ANKRD30A: variants seen among roughly 807,000 people sequenced by gnomAD.
ANKRD30A encodes the protein ankyrin repeat domain 30A.
ANKRD30A carries 170 observed loss-of-function variants against 166.3 expected under a neutral mutation model. That is an observed-to-expected ratio of 1.02 (90% confidence interval 0.90 to 1.16). The LOEUF (loss-of-function observed/expected upper bound fraction) is 1.16. Among genes scored for constraint, ANKRD30A ranks in the 50% most tolerant of loss-of-function variants. The pLI is 0.00. For synonymous variants in ANKRD30A, 564 were observed against 508.9 expected, an observed-to-expected ratio of 1.11 and a Z score of -1.46; for missense variants, 1,630 against 1,518.0, an observed-to-expected ratio of 1.07 and a Z score of -1.23.
At chr10:37,197,037 C>T (rs1204277436) in intron 27 of ANKRD30A, among the ~76,000 whole-genome samples, 5 of 152,160 alleles carry the variant, frequency 3.3e-5, no homozygotes, top group Admixed American at 6.6e-5. Flanking sequence ...CCTGTTTACA[C>T]GTGAAACACA....
chr10:37,150,629 T>A (rs1837858052), intron 11 of ANKRD30A, among the ~76,000 whole-genome samples: 1 of 152,080 alleles, frequency 6.6e-6, no homozygotes, highest in African/African-American at 2.4e-5. Context: ...GAAACATTCT[T>A]TTTTGATCAG....
intron 31 of ANKRD30A, among the ~76,000 whole-genome samples, chr10:37,215,969 T>C (rs1003346055): frequency 1.3e-5 from 2 of 151,374 alleles, no homozygotes; most frequent in Non-Finnish European, 3.0e-5. Context: ...AATTGTCACT[T>C]TTCTGGGGCT....
rs1627967 is a variant in ANKRD30A at position 37,157,873 on chromosome 10, A to G, written c.1799-519A>G. 1.1e-3 allele frequency among the ~76,000 whole-genome samples: 175 copies of G among 152,302 alleles called. 1 individual carries two copies. Among genetic ancestry groups the G allele is most frequent in the Non-Finnish European group, 1.4e-3 (94 of 68,030 alleles). ...GAACCTTCTCTGCAATGATAAGTACATTGTACCTTTGAACTCTCATCACAA... is the reference window on the plus strand; with the variant it reads ...GAACCTTCTCTGCAATGATAAGTACGTTGTACCTTTGAACTCTCATCACAA... On this transcript the variant is annotated intron_variant, in intron 13 of 35. Transcript: ENST00000361713.
intron 11 of ANKRD30A, 66 bp from the exon 12 acceptor site, chr10:37,151,994 A>G: frequency 7.2e-7 from 1 of 1,390,284 alleles, no homozygotes; most frequent in East Asian, 2.3e-5. Flanking sequence ...GTAGATTTGT[A>G]TATGTTTTTA....
chr10:37,162,393 A>G (rs1305972522), intron 15 of ANKRD30A, among the ~76,000 whole-genome samples: 1 of 152,158 alleles, frequency 6.6e-6, no homozygotes, highest in Admixed American at 6.5e-5. Context: ...TCTCATATCA[A>G]CCCTTTATAC....
the ANKRD30A span, among the ~76,000 whole-genome samples, chr10:37,252,386 T>A: frequency 6.6e-6 from 1 of 152,192 alleles, no homozygotes; most frequent in African/African-American, 2.4e-5. Context: ...ATAATGCTCC[T>A]ATAAGATCAG....
intron 34 of ANKRD30A, among the ~76,000 whole-genome samples, chr10:37,226,892 T>C (rs1843181361): frequency 6.6e-6 from 1 of 151,908 alleles, no homozygotes; most frequent in South Asian, 2.1e-4. Context: ...GTGGTTTTAT[T>C]TGCATTCCCT....
At chr10:37,243,817 A>T in the ANKRD30A span, among the ~76,000 whole-genome samples, 1 of 152,136 alleles carries the variant, frequency 6.6e-6, no homozygotes, top group African/African-American at 2.4e-5. Flanking sequence ...AAGGTTAATA[A>T]AAATAAGTAG....
At chr10:37,252,298 T>C in the ANKRD30A span, among the ~76,000 whole-genome samples, 1 of 152,344 alleles carries the variant, frequency 6.6e-6, no homozygotes, top group Non-Finnish European at 1.5e-5. Flanking sequence ...ACCATATGGA[T>C]ACTTATATAT....
intron 34 of ANKRD30A, among the ~76,000 whole-genome samples, chr10:37,228,227 T>C (rs965286352): frequency 1.1e-4 from 17 of 152,004 alleles, no homozygotes; most frequent in Non-Finnish European, 2.2e-4. Flanking sequence ...GTTGTTTGAA[T>C]TTCAAAATAT....
rs768206812 is a variant in ANKRD30A at position 37,160,307 on chromosome 10, T to C, written c.1900+1721T>C. The stretch of plus-strand genomic sequence containing the variant: ...ACACGAATTGGAAAAGTCCTACTTT[T>C]CAATACGCATTACAACTGTTACTCA... On this transcript the variant is annotated intron_variant, in intron 15 of 35. Transcript: ENST00000361713. Among the ~76,000 whole-genome samples the C allele has an allele frequency of 2.0e-4, 31 of 152,316 alleles. 1 individual carries two copies. The highest frequency in any genetic ancestry group is 1.5e-3 in the South Asian group (7 of 4,826).
At position 37,219,904 on chromosome 10, in the gene ANKRD30A, A is replaced by T. The variant is rs750959475; in HGVS notation, c.4185+7A>T. ...AGAGAAAGCAGAAACAGAAGTAAGT[A>T]TCAAAAAATATAAATACTTGTCAAA... On this transcript the variant is annotated splice_region_variant and intron_variant, in intron 34 of 35. Transcript: ENST00000361713. 1 of 1,472,368 alleles carries T rather than the reference A, an allele frequency of 6.8e-7. No individual in the cohort carries two copies. The highest frequency in any genetic ancestry group is 9.0e-7 in the Non-Finnish European group (1 of 1,111,332). 91.2% of individuals were successfully genotyped at this position (1,472,368 alleles called of 1,614,324 possible).
intron 27 of ANKRD30A, among the ~76,000 whole-genome samples, chr10:37,193,727 T>A (rs1197372606): frequency 2.0e-5 from 3 of 152,074 alleles, no homozygotes; most frequent in African/African-American, 7.2e-5. Flanking sequence ...CTTATAATTT[T>A]AAAAAATCAG....
the ANKRD30A span, among the ~76,000 whole-genome samples, chr10:37,247,714 A>G: frequency 1.5e-5 from 1 of 65,730 alleles, no homozygotes; most frequent in Non-Finnish European, 3.0e-5. Context: ...TACTAAAAAT[A>G]CAAAAAAAAA....
chr10:37,159,608 G>T (rs1838679666), intron 15 of ANKRD30A, among the ~76,000 whole-genome samples: 1 of 152,088 alleles, frequency 6.6e-6, no homozygotes, highest in Admixed American at 6.6e-5. Flanking sequence ...GCTGTGTGTA[G>T]AATTTGTTTT....
the ANKRD30A span, among the ~76,000 whole-genome samples, chr10:37,262,171 T>G: frequency 7.2e-5 from 11 of 152,188 alleles, no homozygotes; most frequent in African/African-American, 2.2e-4. Context: ...AAATGACCAT[T>G]TCACATCTAC....
chr10:37,158,900 A>G (rs1838603320), intron 15 of ANKRD30A, among the ~76,000 whole-genome samples: 1 of 152,196 alleles, frequency 6.6e-6, no homozygotes, highest in Non-Finnish European at 1.5e-5. Flanking sequence ...AAATATTTGC[A>G]GTGGTTCAAA....
chr10:37,247,843 C>T, the ANKRD30A span, among the ~76,000 whole-genome samples: 6 of 146,446 alleles, frequency 4.1e-5, no homozygotes, highest in Non-Finnish European at 8.9e-5. Flanking sequence ...GATCGTGCCA[C>T]TGTACTCCAG....
rs376540857 is a variant in ANKRD30A, at chr10:37,223,830, T to C, written c.4185+3933T>C. On this transcript the variant is annotated intron_variant, in intron 34 of 35. Coordinates refer to ENST00000361713, the MANE Select transcript of ANKRD30A (RefSeq NM_052997.3). ...TTAAATTTCTTTAAAAGACTGAAGA[T>C]AGAAAAGAGAAATTAAACATATGTA... Among the ~76,000 whole-genome samples, 89 of 151,162 alleles carry C rather than the reference T, an allele frequency of 5.9e-4. No individual in the cohort carries two copies. In the South Asian group the frequency reaches 0.016, roughly 28 times the overall value.
Sources: gnomAD v4.1 joint callset for allele counts (sites outside exome capture counted in the v4.1 genomes callset) on GRCh38, gnomAD v4.1.1 for gene constraint, MANE v1.5 for transcripts, NCBI Gene and HGNC (gene_info 2026-07-23, HGNC 2026-07-21) for gene names.